The following SH3RF2 variants were observed in gnomAD, a reference collection of about 807,000 sequenced individuals.
The protein encoded by SH3RF2 is E3 ubiquitin-protein ligase SH3RF2.
A neutral mutation model predicts 59.0 loss-of-function variants in SH3RF2; 43 were observed. The ratio of observed to expected loss-of-function variants is 0.73; its 90% CI spans 0.57 to 0.94. The LOEUF is 0.94. Among genes scored for constraint, SH3RF2 ranks in the 40% least tolerant of loss-of-function variants. SH3RF2 has a pLI of 0.00. For synonymous variants in SH3RF2, 391 were observed against 391.5 expected (o/e 1.00, Z 0.01); for missense variants, 930 against 940.1 (o/e 0.99, Z 0.14).
rs759545683 is a variant in SH3RF2, at chr5:145,937,952, T to C, written c.24T>C (p.Asp8=). Residue 8 remains aspartate, a synonymous_variant, in exon 2 of 10, where the codon GAT becomes GAC. Transcript: ENST00000359120. MDDLTLL[D]LLECPVCFEK... ...AAATGGATGATTTGACGTTACTTGA[T>C]CTTCTGGAGTGCCCTGTGTGCTTTG... 6 of 1,613,668 alleles carry C rather than the reference T, an allele frequency of 3.7e-6. No individual in the cohort carries two copies. The East Asian group carries it at 1.3e-4, about 36-fold the overall frequency.
chr5:146,057,277 T>C (rs7703851), intron 8 of SH3RF2, among the ~76,000 whole-genome samples: 54,125 of 152,044 alleles, frequency 0.36, 9,898 homozygotes, highest in Non-Finnish European at 0.38. Flanking sequence ...CCTGTTTGAC[T>C]ACCAGTCCCA....
At chr5:146,073,585 A>G (rs985720016) in intron 9 of SH3RF2, among the ~76,000 whole-genome samples, 3 of 151,928 alleles carry the variant, frequency 2.0e-5, no homozygotes, top group Non-Finnish European at 4.4e-5. Flanking sequence ...TGCTGCTCCC[A>G]CTCCATCTCC....
At chr5:146,057,695 T>C (rs1762717498) in intron 8 of SH3RF2, among the ~76,000 whole-genome samples, 1 of 152,122 alleles carries the variant, frequency 6.6e-6, no homozygotes, top group Non-Finnish European at 1.5e-5. Flanking sequence ...ACCCTAGCAC[T>C]TTGGGAGGCT....
At chr5:145,937,698 T>C (rs1757647091) in intron 1 of SH3RF2, 125 bp from the exon 2 acceptor site, 1 of 554,614 alleles carries the variant, frequency 1.8e-6, no homozygotes, top group Non-Finnish European at 3.2e-6. Flanking sequence ...AATGAGTCAT[T>C]TGAAACTTGG....
At chr5:145,958,316 C>G (rs1338029566) in intron 2 of SH3RF2, among the ~76,000 whole-genome samples, 1 of 152,100 alleles carries the variant, frequency 6.6e-6, no homozygotes, top group African/African-American at 2.4e-5. Flanking sequence ...CAACTCAGAC[C>G]ACCTCCCTGA....
chr5:145,959,773 C>T (rs34599553), intron 2 of SH3RF2, among the ~76,000 whole-genome samples: 78 of 151,994 alleles, frequency 5.1e-4, no homozygotes, highest in Non-Finnish European at 9.6e-4. Context: ...CTTGCAGGAA[C>T]AATGCCCCAA....
At chr5:146,049,287 C>G in intron 7 of SH3RF2, 42 bp downstream of exon 7, 1 of 1,564,388 alleles carries the variant, frequency 6.4e-7, no homozygotes, top group Non-Finnish European at 8.7e-7. Context: ...GTTGGGCCAC[C>G]CTAGGCCAGG....
chr5:146,001,811 G>T (rs1760429239), intron 3 of SH3RF2, among the ~76,000 whole-genome samples: 1 of 152,114 alleles, frequency 6.6e-6, no homozygotes, highest in Admixed American at 6.5e-5. Context: ...CATATAAATG[G>T]GAAATTATGA....
At chr5:145,941,824 T>G (rs1164299711) in intron 2 of SH3RF2, among the ~76,000 whole-genome samples, 2 of 152,180 alleles carry the variant, frequency 1.3e-5, no homozygotes, top group African/African-American at 4.8e-5. Context: ...TTGTGAGAAA[T>G]AAGTGAGATG....
chr5:146,007,317 C>G (rs757349666), intron 4 of SH3RF2, among the ~76,000 whole-genome samples: 3 of 152,174 alleles, frequency 2.0e-5, no homozygotes, highest in Non-Finnish European at 4.4e-5. Flanking sequence ...ATGGACCTTT[C>G]AGGAGGTAGA....
intron 9 of SH3RF2, among the ~76,000 whole-genome samples, chr5:146,077,344 C>A (rs1763358577): frequency 6.6e-6 from 1 of 152,178 alleles, no homozygotes; most frequent in Admixed American, 6.5e-5. Flanking sequence ...GTTTGGTCAT[C>A]AAAATACAAT....
In SH3RF2 at chr5:145,984,781, C is replaced by T. The variant is rs532003312; in HGVS notation, c.379-15277C>T. On this transcript the variant is annotated intron_variant, in intron 2 of 9. Transcript: ENST00000359120. ...CTTCTCCAAGGTCATGTCTATTTCA[C>T]TTGGTATAAATGAGAAGAATGCTCT... is the stretch of plus-strand genomic sequence containing the variant. Among the ~76,000 whole-genome samples, 6 of 152,336 alleles carry T rather than the reference C, an allele frequency of 3.9e-5. No individual in the cohort carries two copies. The South Asian group carries it at 1.2e-3, about 32-fold the overall frequency.
At chr5:146,061,323 C>G (rs1762883143) in intron 9 of SH3RF2, among the ~76,000 whole-genome samples, 1 of 152,196 alleles carries the variant, frequency 6.6e-6, no homozygotes, top group Non-Finnish European at 1.5e-5. Context: ...CATGCTCTTA[C>G]TGCTAAGCTA....
At chr5:145,945,333 T>C (rs1757969774) in intron 2 of SH3RF2, among the ~76,000 whole-genome samples, 1 of 152,220 alleles carries the variant, frequency 6.6e-6, no homozygotes, top group African/African-American at 2.4e-5. Flanking sequence ...GAAAATGTTT[T>C]ATGCAATGGT....
intron 2 of SH3RF2, among the ~76,000 whole-genome samples, chr5:145,971,188 G>A (rs186883804): frequency 2.6e-5 from 4 of 152,212 alleles, no homozygotes; most frequent in East Asian, 1.9e-4. Context: ...TGCAAGGACC[G>A]ATGTCTGTTA....
At chr5:146,025,816 C>T (rs1761511571) in intron 5 of SH3RF2, among the ~76,000 whole-genome samples, 3 of 152,298 alleles carry the variant, frequency 2.0e-5, no homozygotes, top group Admixed American at 2.0e-4. Flanking sequence ...CTTGTCATGG[C>T]TTTGCCATCT....
At chr5:146,059,544 G>T (rs911206446) in intron 8 of SH3RF2, among the ~76,000 whole-genome samples, 8 of 150,984 alleles carry the variant, frequency 5.3e-5, no homozygotes, top group African/African-American at 1.7e-4. Context: ...GCGTGTGTGT[G>T]TGTACGTGTG....
chr5:145,965,120 G>A (rs934589463), intron 2 of SH3RF2, among the ~76,000 whole-genome samples: 1 of 151,988 alleles, frequency 6.6e-6, no homozygotes, highest in Non-Finnish European at 1.5e-5. Flanking sequence ...TTGAACCCAG[G>A]AGGCAGAGGT....
intron 2 of SH3RF2, among the ~76,000 whole-genome samples, chr5:145,996,804 T>C (rs1032627118): frequency 3.3e-5 from 5 of 152,174 alleles, no homozygotes; most frequent in Non-Finnish European, 7.4e-5. Context: ...GTAATCTGAG[T>C]TCATGTCCCA....
Sources: gnomAD v4.1 joint callset for allele counts (sites outside exome capture counted in the v4.1 genomes callset) on GRCh38, gnomAD v4.1.1 for gene constraint, MANE v1.5 for transcripts, NCBI Gene and HGNC (gene_info 2026-07-23, HGNC 2026-07-21) for gene names.